Variants in GMDS observed in about 807,000 individuals in gnomAD.
GMDS encodes GDP-mannose 4,6 dehydratase.
In GMDS, 20 loss-of-function variants were observed where a neutral mutation model predicts 49.9. The observed-to-expected ratio is 0.40, with a 90% CI of 0.28 to 0.58. The LOEUF is 0.58. Ranked by LOEUF, GMDS falls within the 20% of genes least tolerant of loss-of-function variation. GMDS has a pLI of 0.42. For missense variants in GMDS, 362 were observed against 481.4 expected (o/e 0.75, Z 2.32); for synonymous variants, 177 against 178.6 (o/e 0.99, Z 0.07).
At chr6:2,236,153 C>A (rs567639464) in intron 1 of GMDS, among the ~76,000 whole-genome samples, 4 of 152,344 alleles carry the variant, frequency 2.6e-5, no homozygotes, top group Admixed American at 6.5e-5. Flanking sequence ...ATTGGGGTTT[C>A]CCAATCTCAG....
At chr6:2,106,027 C>T (rs1049989040) in intron 4 of GMDS, among the ~76,000 whole-genome samples, 5 of 152,134 alleles carry the variant, frequency 3.3e-5, no homozygotes, top group African/African-American at 4.8e-5. Context: ...GCTTGATGTG[C>T]GGTTTCTTAT....
intron 6 of GMDS, among the ~76,000 whole-genome samples, chr6:1,950,121 C>A (rs1763268201): frequency 6.6e-6 from 1 of 152,054 alleles, no homozygotes; most frequent in Non-Finnish European, 1.5e-5. Context: ...GTGTTTTCTG[C>A]CTATTGTGAT....
intron 4 of GMDS, among the ~76,000 whole-genome samples, chr6:2,075,406 T>C (rs180876895): frequency 2.0e-4 from 31 of 152,216 alleles, no homozygotes; most frequent in Non-Finnish European, 3.7e-4. Context: ...TACCTCCTAA[T>C]GCTATCCCTC....
intron 1 of GMDS, among the ~76,000 whole-genome samples, chr6:2,223,244 T>C (rs1780675325): frequency 6.6e-6 from 1 of 152,046 alleles, no homozygotes; most frequent in African/African-American, 2.4e-5. Flanking sequence ...ATATGGTGAA[T>C]TCAAGAAACT....
intron 7 of GMDS, among the ~76,000 whole-genome samples, chr6:1,793,824 G>A (rs944390354): frequency 1.3e-5 from 2 of 152,102 alleles, no homozygotes; most frequent in African/African-American, 4.8e-5. Context: ...TCTCCCAAAT[G>A]TCTAAGATTT....
At chr6:1,851,811 T>C (rs1207077138) in intron 7 of GMDS, among the ~76,000 whole-genome samples, 1 of 152,200 alleles carries the variant, frequency 6.6e-6, no homozygotes, top group East Asian at 1.9e-4. Context: ...GGTGACTGTG[T>C]TTCTTGTTCA....
intron 1 of GMDS, among the ~76,000 whole-genome samples, chr6:2,214,790 C>CA (rs1780244028): frequency 6.6e-6 from 1 of 152,202 alleles, no homozygotes; most frequent in African/African-American, 2.4e-5. Flanking sequence ...GCTGGGATTA[C>CA]AGGCAAGAGC....
In GMDS at chr6:1,624,124, T is replaced by C; in HGVS notation, c.*45A>G. 1.3e-6 allele frequency: 2 copies of C among 1,564,748 alleles called. No homozygotes were observed. Among genetic ancestry groups the C allele is most frequent in the Admixed American group, 1.7e-5 (1 of 59,888 alleles). Reference sequence around the variant, plus strand: ...CGCAGCGCGTCTGCACCGGAGACTCTGCGGGGATTGTAGCCGGAGGGCGGG... The same window carrying C: ...CGCAGCGCGTCTGCACCGGAGACTCCGCGGGGATTGTAGCCGGAGGGCGGG... On this transcript the variant is annotated 3_prime_UTR_variant, in exon 11 of 11. Coordinates refer to ENST00000380815, the MANE Select transcript of GMDS (RefSeq NM_001500.4).
At chr6:1,891,962 G>A (rs1003860425) in intron 7 of GMDS, among the ~76,000 whole-genome samples, 4 of 152,080 alleles carry the variant, frequency 2.6e-5, no homozygotes, top group Non-Finnish European at 4.4e-5. Flanking sequence ...CAGTAGTTAC[G>A]CCATATAAAT....
At chr6:1,723,587 T>A (rs957598007) in intron 9 of GMDS, among the ~76,000 whole-genome samples, 8 of 83,810 alleles carry the variant, frequency 9.5e-5, no homozygotes, top group African/African-American at 4.7e-4. Context: ...CCTCGGCCTC[T>A]TTATGGCAAT....
intron 1 of GMDS, among the ~76,000 whole-genome samples, chr6:2,218,249 A>G (rs969696294): frequency 1.3e-5 from 2 of 152,174 alleles, no homozygotes; most frequent in Non-Finnish European, 2.9e-5. Flanking sequence ...ATTACGATGA[A>G]CTCATCTGAA....
At chr6:1,824,586 TAGGGC>T (rs1281992889) in intron 7 of GMDS, among the ~76,000 whole-genome samples, 1 of 152,088 alleles carries the variant, frequency 6.6e-6, no homozygotes, top group Non-Finnish European at 1.5e-5. Flanking sequence ...AAGTTTTCAG[TAGGGC>T]AGAGTGTAAG....
chr6:2,231,088 C>G (rs1376331951), intron 1 of GMDS, among the ~76,000 whole-genome samples: 5 of 151,718 alleles, frequency 3.3e-5, no homozygotes, highest in African/African-American at 1.2e-4. Flanking sequence ...AGAAGGTCCC[C>G]AAAACTTGAT....
At chr6:1,671,751 G>GT in intron 9 of GMDS, among the ~76,000 whole-genome samples, 1 of 137,882 alleles carries the variant, frequency 7.3e-6, no homozygotes, top group South Asian at 2.3e-4. Context: ...TGCAACCTCT[G>GT]CCCCCCGGGT....
At chr6:1,878,575 G>A (rs902933082) in intron 7 of GMDS, among the ~76,000 whole-genome samples, 3 of 152,002 alleles carry the variant, frequency 2.0e-5, no homozygotes, top group Admixed American at 2.0e-4. Context: ...CTGGCCATGC[G>A]GGAATCTGCT....
intron 7 of GMDS, among the ~76,000 whole-genome samples, chr6:1,877,177 G>T (rs142600192): frequency 6.6e-6 from 1 of 151,996 alleles, no homozygotes; most frequent in African/African-American, 2.4e-5. Flanking sequence ...CAGAAGTCTC[G>T]GTGTGCTGTT....
At chr6:1,807,216 A>C (rs1231633323) in intron 7 of GMDS, among the ~76,000 whole-genome samples, 1 of 151,858 alleles carries the variant, frequency 6.6e-6, no homozygotes, top group African/African-American at 2.4e-5. Flanking sequence ...AAATTTTTAC[A>C]TTTTTTGTAA....
intron 7 of GMDS, among the ~76,000 whole-genome samples, chr6:1,832,244 A>G (rs1231150284): frequency 1.3e-5 from 2 of 151,556 alleles, no homozygotes; most frequent in Non-Finnish European, 1.5e-5. Flanking sequence ...TAAGAAAATT[A>G]GCCAGGTGTG....
At chr6:1,878,676 TA>T (rs1305128464) in intron 7 of GMDS, among the ~76,000 whole-genome samples, 1 of 152,196 alleles carries the variant, frequency 6.6e-6, no homozygotes, top group African/African-American at 2.4e-5. Context: ...ATTTAATACC[TA>T]AAAATATTAA....
Sources: gnomAD v4.1 joint callset for allele counts (sites outside exome capture counted in the v4.1 genomes callset) on GRCh38, gnomAD v4.1.1 for gene constraint, MANE v1.5 for transcripts, NCBI Gene and HGNC (gene_info 2026-07-23, HGNC 2026-07-21) for gene names.